Variants in KANSL1 observed in about 807,000 individuals in gnomAD.
The protein encoded by KANSL1 is MLL1/MLL complex subunit KANSL1.
In KANSL1, 22 loss-of-function variants were observed where a neutral mutation model predicts 103.6. The observed-to-expected ratio is 0.21, with a 90% CI of 0.15 to 0.30. The LOEUF (loss-of-function observed/expected upper bound fraction) is 0.30. Ranked by LOEUF, KANSL1 falls within the 10% of genes least tolerant of loss-of-function variation. KANSL1 has a pLI of 1.00. For missense variants in KANSL1, 1,337 were observed against 1,399.8 expected (o/e 0.96, Z 0.72); for synonymous variants, 600 against 527.6 (o/e 1.14, Z -1.88).
chr17:46,179,374 G>A (rs1301303666), intron 1 of KANSL1, among the ~76,000 whole-genome samples: 2 of 152,190 alleles, frequency 1.3e-5, no homozygotes, highest in East Asian at 1.9e-4. Flanking sequence ...AGAATAACCT[G>A]GAAGCATCCA....
chr17:46,156,321 T>G (rs2045425858), intron 2 of KANSL1, among the ~76,000 whole-genome samples: 1 of 152,234 alleles, frequency 6.6e-6, no homozygotes, highest in African/African-American at 2.4e-5. Context: ...TACTCCAGCC[T>G]GGGCGACAGA....
chr17:46,175,310 CTGTGTGTGTGTGTGTGTG>C (rs71138529), intron 1 of KANSL1, among the ~76,000 whole-genome samples: 1,645 of 137,582 alleles, frequency 0.012, 12 homozygotes, highest in Middle Eastern at 0.037. Context: ...TGTCTTATTG[CTGTGTGTGTGTGTGTGTG>C]TGTGTGTGTG....
chr17:46,089,579 A>G (rs1175185773), intron 3 of KANSL1, among the ~76,000 whole-genome samples: 1 of 151,878 alleles, frequency 6.6e-6, no homozygotes, highest in African/African-American at 2.4e-5. Flanking sequence ...AAAAAAAAAA[A>G]GACCTGTGCA....
chr17:46,178,367 G>C (rs2046628689), intron 1 of KANSL1, among the ~76,000 whole-genome samples: 1 of 152,186 alleles, frequency 6.6e-6, no homozygotes, highest in African/African-American at 2.4e-5. Context: ...TAACAACCTG[G>C]GCAGTAGAAT....
intron 1 of KANSL1, among the ~76,000 whole-genome samples, chr17:46,209,820 A>G (rs2048099450): frequency 6.6e-6 from 1 of 152,212 alleles, no homozygotes; most frequent in Admixed American, 6.5e-5. Context: ...AAGGCATTTA[A>G]GTATAAATTA....
At chr17:46,067,503 C>T (rs1568410801) in intron 5 of KANSL1, 46 bp downstream of exon 5, 2 of 1,191,932 alleles carry the variant, frequency 1.7e-6, no homozygotes, top group Non-Finnish European at 2.5e-6. Flanking sequence ...TCCAAAACAC[C>T]TTTACAAGTC....
chr17:46,144,672 T>TAC (rs2044604319), intron 2 of KANSL1, among the ~76,000 whole-genome samples: 1 of 140,718 alleles, frequency 7.1e-6, no homozygotes, highest in Non-Finnish European at 1.6e-5. Flanking sequence ...CAGGGGATAC[T>TAC]ACATAATAAA....
chr17:46,102,407 G>A (rs1399124176), intron 2 of KANSL1, among the ~76,000 whole-genome samples: 2 of 152,084 alleles, frequency 1.3e-5, no homozygotes, highest in African/African-American at 4.8e-5. Flanking sequence ...CTGTCACCAT[G>A]CCTGGCTAAT....
intron 3 of KANSL1, chr17:46,093,414 T>TA (rs1365286586): frequency 6.6e-6 from 1 of 152,294 alleles, no homozygotes; most frequent in Non-Finnish European, 1.5e-5. Context: ...CTAGTAAGAA[T>TA]AAAAAAGTGA....
At chr17:46,126,003 G>A (rs980850865) in intron 2 of KANSL1, among the ~76,000 whole-genome samples, 2 of 152,150 alleles carry the variant, frequency 1.3e-5, no homozygotes, top group Non-Finnish European at 2.9e-5. Flanking sequence ...TGAGCAATCT[G>A]GACAAAGTCA....
At position 46,066,605 on chromosome 17, in the gene KANSL1, G is replaced by A. The variant is rs1369892216; in HGVS notation, c.1780C>T (p.Arg594Cys). The change falls in exon 6 of 15, where the codon CGT becomes TGT. Residue 594 changes from arginine (R) to cysteine (C), a missense_variant. By Grantham distance (180) the Arg-to-Cys change is radical. Around this residue, in one of 2 missense-constraint regions of KANSL1, gnomAD observed 780 missense variants for 923.4 expected, o/e 0.84. Transcript: ENST00000432791. ...SDGTCVAARTRPVLSCKKRRL... is the reference protein window; with the variant it reads ...SDGTCVAARTCPVLSCKKRRL... Reference sequence around the variant, plus strand: ...CGCTTCTTACAGCTCAGTACAGGACGTGTCCGGGCTGCCACACAGGTGCCA... The same window carrying A: ...CGCTTCTTACAGCTCAGTACAGGACATGTCCGGGCTGCCACACAGGTGCCA... The A allele has an allele frequency of 1.2e-6, 2 of 1,614,054 alleles. No individual in the cohort carries two copies. Among genetic ancestry groups the A allele is most frequent in the Non-Finnish European group, 1.7e-6 (2 of 1,180,030 alleles).
intron 1 of KANSL1, among the ~76,000 whole-genome samples, chr17:46,172,875 C>G (rs1480074672): frequency 3.3e-5 from 5 of 152,220 alleles, no homozygotes; most frequent in Admixed American, 3.3e-4. Flanking sequence ...GGAATTTACT[C>G]AAGTATCTTC....
chr17:46,109,295 T>C (rs765401372), intron 2 of KANSL1, among the ~76,000 whole-genome samples: 89 of 152,194 alleles, frequency 5.8e-4, no homozygotes, highest in Non-Finnish European at 1.1e-3. Flanking sequence ...GAGGGTACTA[T>C]AGATGTTCCA....
At chr17:46,196,542 T>C, upstream of KANSL1, 1 of 422,854 alleles carries the variant, frequency 2.4e-6, no homozygotes, top group South Asian at 1.7e-5. Flanking sequence ...GCCACCAACA[T>C]CAAAGGGAAT....
At chr17:46,126,701 T>C (rs939826511) in intron 2 of KANSL1, among the ~76,000 whole-genome samples, 2 of 152,194 alleles carry the variant, frequency 1.3e-5, no homozygotes, top group Non-Finnish European at 2.9e-5. Flanking sequence ...AAACATACAG[T>C]GTAATATCTG....
intron 1 of KANSL1, among the ~76,000 whole-genome samples, chr17:46,200,095 T>C (rs1173941262): frequency 2.7e-5 from 4 of 148,996 alleles, no homozygotes; most frequent in Non-Finnish European, 4.4e-5. Flanking sequence ...TTTTAGTTAA[T>C]TCTAATGTTT....
At chr17:46,148,878 A>ACC (rs1445513893) in intron 2 of KANSL1, among the ~76,000 whole-genome samples, 1 of 145,234 alleles carries the variant, frequency 6.9e-6, no homozygotes, top group African/African-American at 2.6e-5. Context: ...GAACCACCGT[A>ACC]CCTGGCCTGT....
At chr17:46,148,758 G>A (rs906842825) in intron 2 of KANSL1, among the ~76,000 whole-genome samples, 1 of 150,420 alleles carries the variant, frequency 6.6e-6, no homozygotes, top group Non-Finnish European at 1.5e-5. Flanking sequence ...ATTTTTTTTT[G>A]TATTTTTAGT....
intron 3 of KANSL1, among the ~76,000 whole-genome samples, chr17:46,091,006 A>G (rs1165949054): frequency 6.6e-6 from 1 of 152,226 alleles, no homozygotes; most frequent in Non-Finnish European, 1.5e-5. Context: ...TCTACTCATT[A>G]AAAGAAGTGA....
Sources: allele counts gnomAD v4.1 joint callset (sites outside exome capture counted in the v4.1 genomes callset), GRCh38; gene constraint gnomAD v4.1.1; regional missense constraint gnomAD v4.1.1; transcripts MANE v1.5; gene names NCBI Gene and HGNC (gene_info 2026-07-23, HGNC 2026-07-21).